The following TSNARE1 variants were observed in gnomAD, a reference collection of about 807,000 sequenced individuals.
The protein encoded by TSNARE1 is t-SNARE domain containing 1.
In TSNARE1, 49 loss-of-function variants were observed where a neutral mutation model predicts 62.0. That is an observed-to-expected ratio of 0.79 (90% CI 0.63 to 1.00). TSNARE1 has a LOEUF of 1.00. Among genes scored for constraint, TSNARE1 ranks in the 50% least tolerant of loss-of-function variants. The probability of loss-of-function intolerance (pLI) is 0.00; values close to 1 mark genes in which losing one functional copy is unlikely to be tolerated. For missense variants in TSNARE1, 755 were observed against 700.1 expected (o/e 1.08, Z -0.88); for synonymous variants, 328 against 294.4 (o/e 1.11, Z -1.17).
intron 12 of TSNARE1, chr8:142,274,125 G>A: frequency 1.0e-6 from 1 of 985,430 alleles, no homozygotes. Flanking sequence ...ACTCCTTGAG[G>A]AACAGGCTCT....
chr8:142,372,895 C>T (rs1481922248), intron 1 of TSNARE1, among the ~76,000 whole-genome samples: 1 of 151,404 alleles, frequency 6.6e-6, no homozygotes, highest in Non-Finnish European at 1.5e-5. Context: ...CCCACCAGTG[C>T]TGTTTCCTTC....
chr8:142,271,636 T>C, intron 12 of TSNARE1: 1 of 1,419,286 alleles, frequency 7.0e-7, no homozygotes, highest in Non-Finnish European at 9.2e-7. Flanking sequence ...GGCTGGGCCC[T>C]TCCAGGGACC....
chr8:142,310,366 C>T (rs1480434882), intron 9 of TSNARE1, among the ~76,000 whole-genome samples: 1 of 151,986 alleles, frequency 6.6e-6, no homozygotes, highest in Non-Finnish European at 1.5e-5. Flanking sequence ...ACACACCTGA[C>T]CATAATCTGA....
At chr8:142,275,812 GAGGCCATTACAACCACAGGGACTGCTGCC>G in intron 11 of TSNARE1, 8 of 985,260 alleles carry the variant, frequency 8.1e-6, no homozygotes, top group Non-Finnish European at 9.6e-6. Flanking sequence ...CTGGGATAGA[GAGGCCATTACAACCACAGGGACTGCTGCC>G]AGGCACAGCC....
At chr8:142,258,869 C>A (rs111727650) in intron 12 of TSNARE1, among the ~76,000 whole-genome samples, 1 of 152,160 alleles carries the variant, frequency 6.6e-6, no homozygotes, top group Non-Finnish European at 1.5e-5. Context: ...CAGAACCCAC[C>A]CAGCTCAGAG....
At chr8:142,315,507 C>T (rs899676090) in intron 7 of TSNARE1, among the ~76,000 whole-genome samples, 4 of 152,252 alleles carry the variant, frequency 2.6e-5, no homozygotes, top group Non-Finnish European at 5.9e-5. Context: ...ATCTGGGCTC[C>T]CCGTGGCCTC....
At chr8:142,336,083 G>A (rs1253750051) in intron 4 of TSNARE1, among the ~76,000 whole-genome samples, 1 of 152,112 alleles carries the variant, frequency 6.6e-6, no homozygotes, top group Non-Finnish European at 1.5e-5. Flanking sequence ...AGAAGTTCAA[G>A]ATCAGCCTGG....
chr8:142,335,455 T>C (rs1463884981), intron 4 of TSNARE1, among the ~76,000 whole-genome samples: 1 of 152,130 alleles, frequency 6.6e-6, no homozygotes, highest in African/African-American at 2.4e-5. Context: ...CATGATACGG[T>C]GCTACTTGAA....
chr8:142,364,320 T>C (rs567723746), intron 1 of TSNARE1, among the ~76,000 whole-genome samples: 12 of 152,370 alleles, frequency 7.9e-5, no homozygotes, highest in African/African-American at 2.9e-4. Context: ...GGTACTCGAT[T>C]AGAACTTGGA....
intron 6 of TSNARE1, among the ~76,000 whole-genome samples, chr8:142,326,960 A>C (rs1256668184): frequency 6.6e-6 from 1 of 152,220 alleles, no homozygotes; most frequent in African/African-American, 2.4e-5. Flanking sequence ...CAAAAGACAT[A>C]TAACAACAAG....
At chr8:142,224,625 G>T (rs954451149) in intron 13 of TSNARE1, among the ~76,000 whole-genome samples, 3 of 152,204 alleles carry the variant, frequency 2.0e-5, no homozygotes, top group Non-Finnish European at 4.4e-5. Flanking sequence ...TGTCTTGATT[G>T]CTTCCAGGCT....
At chr8:142,261,070 A>AAGGAGAAAAGAGGGAGGAGGAGGGAG (rs1818855715) in intron 12 of TSNARE1, among the ~76,000 whole-genome samples, 2 of 30,432 alleles carry the variant, frequency 6.6e-5, no homozygotes, top group Non-Finnish European at 6.9e-5. Context: ...AGCAGGAGGG[A>AAGGAGAAAAGAGGGAGGAGGAGGGAG]GGAGAGAGGA....
intron 11 of TSNARE1, chr8:142,277,280 CAG>C: frequency 4.1e-6 from 4 of 985,346 alleles, no homozygotes; most frequent in Non-Finnish European, 4.8e-6. Flanking sequence ...CTCCAGGGGC[CAG>C]AGAGAGCAGC....
chr8:142,382,004 C>A (rs1232057816), intron 1 of TSNARE1, among the ~76,000 whole-genome samples: 1 of 152,132 alleles, frequency 6.6e-6, no homozygotes, highest in Non-Finnish European at 1.5e-5. Flanking sequence ...TACCTGACAC[C>A]CCCCCTACAC....
Position 142,286,195 on chromosome 8 carries a change from C to A in TSNARE1, c.1291-1710G>T, listed in dbSNP as rs183647287. Among the ~76,000 whole-genome samples the A allele has an allele frequency of 1.2e-4, 19 of 152,270 alleles. No individual in the cohort carries two copies. The South Asian group carries it at 2.1e-3, about 17-fold the overall frequency. On this transcript the variant is annotated intron_variant, in intron 10 of 13. Transcript: ENST00000524325. ...AACAAAAGCAACCCTCCTCACATAG[C>A]GCCTGGCACATGGCTGGGTTCCAGC... is the stretch of plus-strand genomic sequence containing the variant.
At chr8:142,273,740 G>A (rs1819973912) in intron 12 of TSNARE1, 1 of 985,316 alleles carries the variant, frequency 1.0e-6, no homozygotes, top group South Asian at 4.7e-5. Context: ...GGAAGCTCAA[G>A]GCAGCCCTGG....
At chr8:142,258,099 CA>C (rs1417905335) in intron 12 of TSNARE1, among the ~76,000 whole-genome samples, 2 of 152,166 alleles carry the variant, frequency 1.3e-5, no homozygotes, top group Non-Finnish European at 2.9e-5. Flanking sequence ...TACACACCTG[CA>C]TGCAACATGC....
chr8:142,286,290 C>A (rs1184652121), intron 10 of TSNARE1, among the ~76,000 whole-genome samples: 1 of 152,218 alleles, frequency 6.6e-6, no homozygotes, highest in Non-Finnish European at 1.5e-5. Flanking sequence ...GTCAGCAGCT[C>A]ATTCCAGAGC....
At chr8:142,280,457 G>A (rs1821236832) in intron 11 of TSNARE1, 1 of 389,860 alleles carries the variant, frequency 2.6e-6, no homozygotes, top group Non-Finnish European at 3.5e-6. Context: ...AGCATAGGCA[G>A]CCTACATCCA....
Sources: allele counts gnomAD v4.1 joint callset (sites outside exome capture counted in the v4.1 genomes callset), GRCh38; gene constraint gnomAD v4.1.1; transcripts MANE v1.5; gene names NCBI Gene and HGNC (gene_info 2026-07-23, HGNC 2026-07-21).